Variants in RBM26 observed in about 807,000 individuals in gnomAD.
RBM26 encodes the protein RNA-binding protein 26.
Under a neutral mutation model 123.6 loss-of-function variants are expected in RBM26, and 30 were observed. The observed-to-expected ratio is 0.24, with a 90% CI of 0.18 to 0.33. RBM26 has a LOEUF of 0.33. Ranked by LOEUF, RBM26 falls within the 10% of genes least tolerant of loss-of-function variation. RBM26 has a pLI of 1.00. For synonymous variants in RBM26, 400 were observed against 404.4 expected (o/e 0.99, Z 0.13); for missense variants, 947 against 1,203.6 (o/e 0.79, Z 3.15).
In RBM26 at chr13:79,363,311, TA is replaced by T. The variant is rs1399482948; in HGVS notation, c.1417+2266del. Among the ~76,000 whole-genome samples the T allele has an allele frequency of 2.6e-5, 4 of 152,244 alleles. No homozygotes were observed. In the East Asian group the frequency reaches 7.7e-4, roughly 29 times the overall value. ...CGTGTAATAATTATATAATTAACAA[TA>T]AATAAGCTTTTTATGTATCTGTCAC... On this transcript the variant is annotated intron_variant, in intron 9 of 21. Transcript: ENST00000438737.
In RBM26 at chr13:79,359,593, T is replaced by C. The variant is rs1447818335; in HGVS notation, c.1511A>G (p.Lys504Arg). 1.3e-6 allele frequency: 2 copies of C among 1,584,946 alleles called. No individual in the cohort carries two copies. Among genetic ancestry groups the C allele is most frequent in the Non-Finnish European group, 1.7e-6 (2 of 1,161,348 alleles). The change falls in exon 10 of 22, where the codon AAG (lysine) becomes AGG (arginine). Residue 504 changes from lysine (K) to arginine (R), a missense_variant. Around this residue, in one of 5 missense-constraint regions of RBM26, gnomAD observed 493 missense variants for 563.1 expected, o/e 0.88. Coordinates refer to ENST00000438737, the MANE Select transcript of RBM26 (RefSeq NM_001366735.2). ...IGSGEPGVPT[K>R]KTWFDKPNFN... Reference sequence around the variant, plus strand: ...ACCTTACTTATCAAACCAAGTCTTCTTTGTAGGAACTCCAGGCTCTCCAGA... The same window carrying C: ...ACCTTACTTATCAAACCAAGTCTTCCTTGTAGGAACTCCAGGCTCTCCAGA...
At chr13:79,366,406 G>T (rs548425626) in intron 7 of RBM26, among the ~76,000 whole-genome samples, 1 of 152,200 alleles carries the variant, frequency 6.6e-6, no homozygotes, top group East Asian at 1.9e-4. Flanking sequence ...AGGCAGCTGG[G>T]TTTTACCAGT....
chr13:79,371,434 T>A (rs1047115977), intron 4 of RBM26, among the ~76,000 whole-genome samples: 2 of 152,082 alleles, frequency 1.3e-5, no homozygotes, highest in Non-Finnish European at 2.9e-5. Context: ...AGACTTAGAG[T>A]ACATATAGAA....
At chr13:79,323,222 C>G (rs1440536984) in intron 20 of RBM26, among the ~76,000 whole-genome samples, 1 of 133,568 alleles carries the variant, frequency 7.5e-6, no homozygotes, top group Non-Finnish European at 1.6e-5. Context: ...TAAGGTAAAT[C>G]AGTGTTAGCA....
chr13:79,342,652 G>C lies in RBM26; in HGVS notation c.2427+12C>G. 1 of 1,437,040 alleles carries C rather than the reference G, an allele frequency of 7.0e-7. No individual in the cohort carries two copies. The allele number at this position is 1,437,040 out of a possible 1,614,324, so 89.0% of individuals were successfully genotyped here. On this transcript the variant is annotated intron_variant, in intron 17 of 21. Transcript: ENST00000438737. ...AATAAGTAATAATATGAACAACAAT[G>C]AAATTAAATACCTGAGTCTTGGTTT...
rs768902139 is a variant in RBM26 at position 79,366,633 on chromosome 13, C to T, written c.1135G>A (p.Gly379Arg). 1 of 1,536,736 alleles carries T rather than the reference C, an allele frequency of 6.5e-7. No individual in the cohort carries two copies. Among genetic ancestry groups the T allele is most frequent in the South Asian group, 1.3e-5 (1 of 78,562 alleles). Reference sequence around the variant, plus strand: ...CAGGGAAACAAACAGATTTACTTACCTGTAACAGGTGGGAGACTGGGTGGC... The same window carrying T: ...CAGGGAAACAAACAGATTTACTTACTTGTAACAGGTGGGAGACTGGGTGGC... ...PLPPSLPPVTGPPPPLPPLQP... is the reference protein window; with the variant it reads ...PLPPSLPPVTRPPPPLPPLQP... The change falls in exon 7 of 22, where the codon GGA becomes AGA. Residue 379 changes from glycine (G) to arginine (R), a missense_variant and splice_region_variant. This residue lies in a region of RBM26 where 493 missense variants were observed against 563.1 expected (regional missense o/e 0.88). Coordinates refer to ENST00000438737, the MANE Select transcript of RBM26 (RefSeq NM_001366735.2).
intron 20 of RBM26, among the ~76,000 whole-genome samples, chr13:79,326,460 A>G (rs1284797399): frequency 6.6e-6 from 1 of 152,196 alleles, no homozygotes; most frequent in Non-Finnish European, 1.5e-5. Flanking sequence ...AAAATCCACA[A>G]AATATGAAAG....
At chr13:79,353,623 T>C (rs973658010) in intron 13 of RBM26, among the ~76,000 whole-genome samples, 3 of 152,194 alleles carry the variant, frequency 2.0e-5, no homozygotes, top group African/African-American at 7.2e-5. Context: ...GGTGATAATT[T>C]GGGATGATAG....
intron 6 of RBM26, 35 bp from the exon 7 acceptor site, chr13:79,366,907 A>G: frequency 6.7e-7 from 1 of 1,487,250 alleles, no homozygotes; most frequent in Non-Finnish European, 9.0e-7. Flanking sequence ...CAAATGTCAA[A>G]AGCACTGGAA....
At chr13:79,372,067 T>A in intron 3 of RBM26, 137 bp from the exon 4 acceptor site, 1 of 604,176 alleles carries the variant, frequency 1.7e-6, no homozygotes, top group Non-Finnish European at 2.9e-6. Flanking sequence ...GTTCACGAAG[T>A]CGGAAGTTCG....
intron 3 of RBM26, 158 bp downstream of exon 3, chr13:79,377,221 C>T (rs7998224): frequency 1 from 565,340 of 566,006 alleles, 282,342 homozygotes; most frequent in Non-Finnish European, 1. Flanking sequence ...GCCATAAGCA[C>T]AATTATATGC....
At chr13:79,392,000 T>TA (rs2078046415) in intron 1 of RBM26, among the ~76,000 whole-genome samples, 5 of 46,804 alleles carry the variant, frequency 1.1e-4, no homozygotes, top group African/African-American at 5.4e-4. Flanking sequence ...TACATTATTA[T>TA]ATAATTATAT....
At chr13:79,393,540 G>C (rs9545098) in intron 1 of RBM26, among the ~76,000 whole-genome samples, 1 of 152,154 alleles carries the variant, frequency 6.6e-6, no homozygotes, top group Non-Finnish European at 1.5e-5. Context: ...CATCAGTTCC[G>C]CATGACTTGA....
At chr13:79,391,277 G>A (rs1382381557) in intron 1 of RBM26, among the ~76,000 whole-genome samples, 1 of 152,122 alleles carries the variant, frequency 6.6e-6, no homozygotes, top group Non-Finnish European at 1.5e-5. Context: ...CATACAGTAA[G>A]CACAACTAGT....
At chr13:79,346,326 C>G (rs1294208971) in intron 14 of RBM26, among the ~76,000 whole-genome samples, 1 of 152,054 alleles carries the variant, frequency 6.6e-6, no homozygotes, top group Non-Finnish European at 1.5e-5. Flanking sequence ...TACAGTACAG[C>G]TGATATTTAA....
At chr13:79,378,983 G>C (rs1232346251) in intron 1 of RBM26, 76 bp from the exon 2 acceptor site, 6 of 897,762 alleles carry the variant, frequency 6.7e-6, no homozygotes, top group Non-Finnish European at 1.1e-5. Context: ...AACTGAATTA[G>C]TGAGAATAAT....
At chr13:79,371,793 A>G (rs2075908429) in intron 4 of RBM26, 49 bp downstream of exon 4, 1 of 1,289,662 alleles carries the variant, frequency 7.8e-7, no homozygotes, top group African/African-American at 1.5e-5. Context: ...CATTTGTATA[A>G]AAGATAACTT....
At chr13:79,402,443 T>TTTG (rs1322553718) in intron 1 of RBM26, among the ~76,000 whole-genome samples, 1 of 151,674 alleles carries the variant, frequency 6.6e-6, no homozygotes, top group Non-Finnish European at 1.5e-5. Flanking sequence ...GGCTTTTTTT[T>TTTG]TTTTTTTTAA....
intron 6 of RBM26, among the ~76,000 whole-genome samples, chr13:79,367,120 A>C (rs1350391592): frequency 6.6e-6 from 1 of 151,984 alleles, no homozygotes; most frequent in African/African-American, 2.4e-5. Flanking sequence ...GAAATGTGAC[A>C]ATCTGGCTGG....
Sources: gnomAD v4.1 joint callset for allele counts (sites outside exome capture counted in the v4.1 genomes callset) on GRCh38, gnomAD v4.1.1 for gene constraint, gnomAD v4.1.1 regional missense constraint, MANE v1.5 for transcripts, NCBI Gene and HGNC (gene_info 2026-07-23, HGNC 2026-07-21) for gene names.